Variants in RYR3 observed in about 807,000 individuals in gnomAD.
RYR3 encodes brain ryanodine receptor-calcium release channel.
A neutral mutation model predicts 584.3 loss-of-function variants in RYR3; 207 were observed. The ratio of observed to expected loss-of-function variants is 0.35; its 90% CI spans 0.32 to 0.40. The LOEUF (loss-of-function observed/expected upper bound fraction) is 0.40, where lower values mean the gene tolerates loss of function less well. Ranked by LOEUF, RYR3 falls within the 10% of genes least tolerant of loss-of-function variation. The pLI, the probability that RYR3 is intolerant of heterozygous loss-of-function variation, is 1.00. For missense variants in RYR3, 5,616 were observed against 6,089.2 expected, an observed-to-expected ratio of 0.92 and a Z score of 2.59; for synonymous variants, 2,416 against 2,248.5, an observed-to-expected ratio of 1.07 and a Z score of -2.11.
chr15:33,576,398 A>G (rs2058303812), intron 12 of RYR3, among the ~76,000 whole-genome samples: 1 of 152,186 alleles, frequency 6.6e-6, no homozygotes, highest in South Asian at 2.1e-4. Flanking sequence ...ATCCAGCAGC[A>G]CATCAAAAAG....
intron 12 of RYR3, among the ~76,000 whole-genome samples, chr15:33,577,177 A>G (rs1291653354): frequency 6.6e-6 from 1 of 152,232 alleles, no homozygotes; most frequent in Non-Finnish European, 1.5e-5. Flanking sequence ...AATATCATGA[A>G]AATGGCCATA....
intron 60 of RYR3, among the ~76,000 whole-genome samples, chr15:33,767,679 A>G (rs545709604): frequency 6.6e-6 from 1 of 152,330 alleles, no homozygotes; most frequent in African/African-American, 2.4e-5. Context: ...ATGTGTCACC[A>G]GGGGACCCCG....
Position 33,660,343 on chromosome 15 carries a change from T to C in RYR3, c.4542T>C (p.Arg1514=). The C allele has an allele frequency of 1.3e-6, 2 of 1,592,708 alleles. No homozygotes were observed. Among genetic ancestry groups the C allele is most frequent in the Non-Finnish European group, 1.7e-6 (2 of 1,170,038 alleles). ...PNSFLKVETE[R]VSERHGWVVQ... is the part of the protein sequence containing the mutation. ...GCTTCCTGAAGGTGGAGACCGAGCGTGTGAGCGAGCGCCACGGCTGGGTGG... is the reference window on the plus strand; with the variant it reads ...GCTTCCTGAAGGTGGAGACCGAGCGCGTGAGCGAGCGCCACGGCTGGGTGG... Residue 1514 remains arginine (R), a synonymous_variant, in exon 34 of 104, where the codon CGT becomes CGC. Coordinates refer to ENST00000634891, the MANE Select transcript of RYR3 (RefSeq NM_001036.6).
At chr15:33,321,887 C>T (rs1052556867) in intron 1 of RYR3, among the ~76,000 whole-genome samples, 6 of 152,076 alleles carry the variant, frequency 3.9e-5, no homozygotes, top group African/African-American at 1.4e-4. Flanking sequence ...TAATGCCAGC[C>T]TCAGTTTCCT....
At chr15:33,679,811 C>A (rs2064457650) in intron 38 of RYR3, among the ~76,000 whole-genome samples, 2 of 152,076 alleles carry the variant, frequency 1.3e-5, no homozygotes, top group South Asian at 4.2e-4. Context: ...GAGTAATCTG[C>A]CCAGCTGAGA....
chr15:33,389,233 A>G (rs1448498759), intron 1 of RYR3, among the ~76,000 whole-genome samples: 1 of 152,248 alleles, frequency 6.6e-6, no homozygotes, highest in East Asian at 1.9e-4. Flanking sequence ...ATAATAAAAA[A>G]AAATTCATCA....
In RYR3 at chr15:33,311,728, T is replaced by C. The variant is rs1292632138; in HGVS notation, c.51+632T>C. ...GACTTGACTGACTGCCTGTCGTGTG[T>C]TCGAGAGCTGTGGCTTCTGCTCCTG... On this transcript the variant is annotated intron_variant, in intron 1 of 103. Transcript: ENST00000634891. This position sits in a 1 kb window ranked among gnomAD's most constrained non-coding sequence, Gnocchi z 4.4. Among the ~76,000 whole-genome samples, 2 of 152,206 alleles carry C rather than the reference T, an allele frequency of 1.3e-5. No individual in the cohort carries two copies. The highest frequency in any genetic ancestry group is 2.9e-5 in the Non-Finnish European group (2 of 68,022).
chr15:33,780,142 C>A, intron 64 of RYR3, 69 bp from the exon 65 acceptor site: 1 of 1,574,736 alleles, frequency 6.4e-7, no homozygotes, highest in Non-Finnish European at 8.6e-7. Context: ...ATGGGGAAGG[C>A]CTGATCTGCC....
chr15:33,728,775 C>A, intron 46 of RYR3, 82 bp from the exon 47 acceptor site: 2 of 1,354,738 alleles, frequency 1.5e-6, no homozygotes, highest in Non-Finnish European at 2.0e-6. Context: ...GGAGAATAAG[C>A]TATAGACAGA....
intron 12 of RYR3, among the ~76,000 whole-genome samples, chr15:33,568,814 A>G (rs1024376162): frequency 1.1e-4 from 16 of 152,158 alleles, no homozygotes; most frequent in African/African-American, 2.9e-4. Flanking sequence ...CATCACTCCA[A>G]AAATATCTCC....
chr15:33,857,557 C>A (rs1282757200), intron 98 of RYR3, among the ~76,000 whole-genome samples: 2 of 152,130 alleles, frequency 1.3e-5, no homozygotes, highest in Non-Finnish European at 2.9e-5. Context: ...AACACCCCAT[C>A]ATTACTCTTT....
chr15:33,523,727 C>A lies in RYR3; in HGVS notation c.280-6865C>A, dbSNP rs987073272. ...TGCACCAAGTCCCCAAAAACAAGAA[C>A]GGGATTTAAAGTGAAGAGGGACAGT... On this transcript the variant is annotated intron_variant, in intron 3 of 103. Coordinates refer to ENST00000634891, the MANE Select transcript of RYR3 (RefSeq NM_001036.6). Among the ~76,000 whole-genome samples the A allele has an allele frequency of 4.6e-5, 7 of 152,156 alleles. No individual in the cohort carries two copies. In the South Asian group the frequency reaches 1.5e-3, roughly 32 times the overall value.
chr15:33,712,369 T>C (rs1030594482), intron 43 of RYR3, among the ~76,000 whole-genome samples: 1 of 152,104 alleles, frequency 6.6e-6, no homozygotes, highest in African/African-American at 2.4e-5. Flanking sequence ...CTAGGTATGT[T>C]GAGAGAAAAG....
chr15:33,735,647 A>AT (rs1358138869), intron 48 of RYR3, among the ~76,000 whole-genome samples: 2 of 152,182 alleles, frequency 1.3e-5, no homozygotes, highest in Non-Finnish European at 2.9e-5. Flanking sequence ...CTCAAAATTT[A>AT]TTTGTGCCAT....
intron 31 of RYR3, among the ~76,000 whole-genome samples, chr15:33,650,116 C>T (rs1012272302): frequency 1.3e-5 from 2 of 152,120 alleles, no homozygotes; most frequent in Non-Finnish European, 2.9e-5. Flanking sequence ...CGGTGGCTCA[C>T]GCTTGTAATC....
intron 16 of RYR3, among the ~76,000 whole-genome samples, chr15:33,600,034 T>A (rs1412335766): frequency 6.6e-6 from 1 of 152,232 alleles, no homozygotes; most frequent in Non-Finnish European, 1.5e-5. Flanking sequence ...TTTCATTTCC[T>A]GGCCATCTAT....
intron 43 of RYR3, among the ~76,000 whole-genome samples, chr15:33,709,454 G>T (rs545522755): frequency 6.6e-6 from 1 of 152,196 alleles, no homozygotes; most frequent in Non-Finnish European, 1.5e-5. Context: ...TAGTGCTATT[G>T]TTTAAATGTG....
chr15:33,519,034 C>G (rs1169266065), intron 3 of RYR3, among the ~76,000 whole-genome samples: 4 of 152,182 alleles, frequency 2.6e-5, no homozygotes, highest in African/African-American at 9.7e-5. Flanking sequence ...AGCAATAGTG[C>G]AAGTCCCTTT....
At chr15:33,423,053 C>T (rs1353338009) in intron 1 of RYR3, among the ~76,000 whole-genome samples, 1 of 152,074 alleles carries the variant, frequency 6.6e-6, no homozygotes, top group Non-Finnish European at 1.5e-5. Flanking sequence ...GGTTAAAATT[C>T]AGTGGTAATA....
Sources: gnomAD v4.1 joint callset for allele counts (sites outside exome capture counted in the v4.1 genomes callset) on GRCh38, gnomAD v4.1.1 for gene constraint, Gnocchi (gnomAD v3.1) non-coding constraint, MANE v1.5 for transcripts, NCBI Gene and HGNC (gene_info 2026-07-23, HGNC 2026-07-21) for gene names.